Variants in ZNF638 observed in about 807,000 individuals in gnomAD.
The protein encoded by ZNF638 is zinc finger protein 638.
ZNF638 carries 46 observed loss-of-function variants against 195.6 expected under a neutral mutation model. The ratio of observed to expected loss-of-function variants is 0.24; its 90% CI spans 0.19 to 0.30. The LOEUF is 0.30. ZNF638 is among the 10% of genes least tolerant of loss of function. The pLI, the probability that ZNF638 is intolerant of heterozygous loss-of-function variation, is 1.00. For synonymous variants in ZNF638, 845 were observed against 772.0 expected (o/e 1.09, Z -1.57); for missense variants, 2,440 against 2,325.3 (o/e 1.05, Z -1.01).
At chr2:71,367,217 T>C in intron 6 of ZNF638, among the ~76,000 whole-genome samples, 1 of 151,862 alleles carries the variant, frequency 6.6e-6, no homozygotes, top group East Asian at 1.9e-4. Context: ...TCAAGACTTC[T>C]AGGTGGTGGC....
At chr2:71,370,548 A>C in intron 8 of ZNF638, among the ~76,000 whole-genome samples, 1 of 152,260 alleles carries the variant, frequency 6.6e-6, no homozygotes, top group Middle Eastern at 3.4e-3. Context: ...AATTACTTTA[A>C]ATTACCCTTT....
Position 71,349,315 on chromosome 2 carries a change from G to A in ZNF638, c.361G>A (p.Val121Ile), listed in dbSNP as rs200279719. The change falls in exon 2 of 28, where the codon GTA becomes ATA. Residue 121 changes from valine (V) to isoleucine (I), a missense_variant. By Grantham distance (29) the Val-to-Ile change is conservative (BLOSUM62 3). Around this residue, in one of 5 missense-constraint regions of ZNF638, gnomAD observed 191 missense variants for 173.8 expected, o/e 1.10. Transcript: ENST00000264447. ...SASVAVKQSSVTQVTEQSPKV... is the reference protein window; with the variant it reads ...SASVAVKQSSITQVTEQSPKV... ...ATCAGTGGCAGTGAAACAGAGTTCTGTAACACAGGTTACAGAGCAGAGTCC... is the reference window on the plus strand; with the variant it reads ...ATCAGTGGCAGTGAAACAGAGTTCTATAACACAGGTTACAGAGCAGAGTCC... The A allele has an allele frequency of 2.5e-6, 4 of 1,614,070 alleles. No individual in the cohort carries two copies. In the African/African-American group the frequency reaches 4.0e-5, roughly 16 times the overall value.
chr2:71,405,256 A>C (rs539118477), intron 17 of ZNF638, among the ~76,000 whole-genome samples: 1 of 151,986 alleles, frequency 6.6e-6, no homozygotes, highest in Non-Finnish European at 1.5e-5. Flanking sequence ...CTCATCTCCT[A>C]CTTTGCTTAG....
At chr2:71,417,021 G>A (rs1227677254) in intron 20 of ZNF638, among the ~76,000 whole-genome samples, 1 of 141,026 alleles carries the variant, frequency 7.1e-6, no homozygotes, top group South Asian at 2.3e-4. Flanking sequence ...CGAGCTTCCC[G>A]GCTGCTTTGT....
Position 71,380,242 on chromosome 2 carries a change from G to A in ZNF638, c.2286G>A (p.Lys762=), listed in dbSNP as rs779150536. The change falls in exon 9 of 28, where the codon AAG becomes AAA. Residue 762 remains lysine (K), a synonymous_variant. Transcript: ENST00000264447. ...CGTAGAACAAAGAGGTGAAGAAAAAGACTTTAGAGTCAAAGAAAGTATCTG... is the reference window on the plus strand; with the variant it reads ...CGTAGAACAAAGAGGTGAAGAAAAAAACTTTAGAGTCAAAGAAAGTATCTG... ...KKAQNKEVKK[K]TLESKKVSAS... is the part of the protein sequence containing the mutation. 25 of 1,562,418 alleles carry A rather than the reference G, an allele frequency of 1.6e-5. No homozygotes were observed. The highest frequency in any genetic ancestry group is 1.7e-4 in the Middle Eastern group (1 of 5,896).
At chr2:71,332,278 G>A (rs1667640181) in intron 1 of ZNF638, among the ~76,000 whole-genome samples, 1 of 152,266 alleles carries the variant, frequency 6.6e-6, no homozygotes, top group Non-Finnish European at 1.5e-5. Context: ...CCGAGGAAGC[G>A]GTGGTGAGGG....
At chr2:71,421,727 T>A (rs189354811) in intron 21 of ZNF638, among the ~76,000 whole-genome samples, 4 of 152,198 alleles carry the variant, frequency 2.6e-5, no homozygotes, top group African/African-American at 9.6e-5. Flanking sequence ...GGTATTGATA[T>A]GATAGGATCA....
chr2:71,351,291 A>G (rs2078935723), intron 2 of ZNF638, among the ~76,000 whole-genome samples: 1 of 152,204 alleles, frequency 6.6e-6, no homozygotes, highest in Non-Finnish European at 1.5e-5. Context: ...TTTCGTCAAC[A>G]TGAATCTGAT....
At chr2:71,365,293 G>A (rs2079177331) in intron 5 of ZNF638, 136 bp from the exon 6 acceptor site, 1 of 671,608 alleles carries the variant, frequency 1.5e-6, no homozygotes, top group South Asian at 2.6e-5. Flanking sequence ...AGCCTTCTGA[G>A]TGCATAAAAT....
At chr2:71,380,407 C>A in intron 9 of ZNF638, 106 bp from the exon 10 acceptor site, 1 of 1,140,028 alleles carries the variant, frequency 8.8e-7, no homozygotes, top group Non-Finnish European at 1.2e-6. Flanking sequence ...GATATCACTC[C>A]AGTTGAATTA....
intron 16 of ZNF638, among the ~76,000 whole-genome samples, chr2:71,403,602 G>A (rs1436122318): frequency 6.6e-6 from 1 of 152,104 alleles, no homozygotes; most frequent in Non-Finnish European, 1.5e-5. Flanking sequence ...TTTTCTTAAT[G>A]TCAGTGGCTA....
intron 10 of ZNF638, among the ~76,000 whole-genome samples, chr2:71,394,059 A>G (rs1289566317): frequency 1.3e-5 from 2 of 152,250 alleles, no homozygotes; most frequent in Admixed American, 1.3e-4. Context: ...GAACAAAGCC[A>G]GGAAAGTAAT....
At chr2:71,361,852 A>G (rs1370237607) in intron 3 of ZNF638, among the ~76,000 whole-genome samples, 1 of 152,202 alleles carries the variant, frequency 6.6e-6, no homozygotes, top group African/African-American at 2.4e-5. Context: ...AAACAAGGGA[A>G]AAGGGAATTG....
intron 2 of ZNF638, among the ~76,000 whole-genome samples, chr2:71,355,157 A>T (rs926560429): frequency 6.6e-6 from 1 of 151,946 alleles, no homozygotes; most frequent in East Asian, 1.9e-4. Flanking sequence ...TTTAGTAGAG[A>T]CAGGGTTTCA....
At chr2:71,390,860 G>A (rs1400305976) in intron 10 of ZNF638, among the ~76,000 whole-genome samples, 7 of 149,686 alleles carry the variant, frequency 4.7e-5, no homozygotes, top group Non-Finnish European at 8.8e-5. Context: ...GTTGTGATTT[G>A]GAGGGAAAAA....
rs375412468 is a variant in ZNF638, at chr2:71,432,317, C to T, written c.5753-848C>T. Among the ~76,000 whole-genome samples the T allele has an allele frequency of 3.3e-5, 5 of 152,218 alleles. No individual in the cohort carries two copies. The South Asian group carries it at 8.3e-4, about 25-fold the overall frequency. Reference sequence around the variant, plus strand: ...CCAGGCTCAAGCAATCCTCTCACCTCAGCCTCATGAGTAGCTGGGACTACA... The same window carrying T: ...CCAGGCTCAAGCAATCCTCTCACCTTAGCCTCATGAGTAGCTGGGACTACA... On this transcript the variant is annotated intron_variant, in intron 26 of 27. Coordinates refer to ENST00000264447, the MANE Select transcript of ZNF638 (RefSeq NM_014497.5).
intron 1 of ZNF638, among the ~76,000 whole-genome samples, chr2:71,338,284 T>G (rs77816055): frequency 0.053 from 8,126 of 152,342 alleles, 309 homozygotes; most frequent in South Asian, 0.13. Context: ...CTACTCCAAC[T>G]GTTATTCTAC....
At chr2:71,338,112 A>G (rs941186884) in intron 1 of ZNF638, among the ~76,000 whole-genome samples, 4 of 152,138 alleles carry the variant, frequency 2.6e-5, no homozygotes, top group African/African-American at 9.7e-5. Flanking sequence ...AGCATATGCT[A>G]TGGTTAAAGT....
At chr2:71,395,174 C>A (rs1340148074) in intron 10 of ZNF638, 2 of 715,064 alleles carry the variant, frequency 2.8e-6, no homozygotes, top group African/African-American at 1.7e-5. Flanking sequence ...CCTGGATAGA[C>A]CCTCACTCCT....
Sources: allele counts gnomAD v4.1 joint callset (sites outside exome capture counted in the v4.1 genomes callset), GRCh38; gene constraint gnomAD v4.1.1; regional missense constraint gnomAD v4.1.1; transcripts MANE v1.5; gene names NCBI Gene and HGNC (gene_info 2026-07-23, HGNC 2026-07-21).